NBEA: variants seen among roughly 807,000 people sequenced by gnomAD.
NBEA encodes the protein neurobeachin.
Under a neutral mutation model 343.4 loss-of-function variants are expected in NBEA, and 44 were observed. The observed-to-expected ratio is 0.13, with a 90% CI of 0.10 to 0.16. The LOEUF (loss-of-function observed/expected upper bound fraction) is 0.16. Ranked by LOEUF, NBEA falls within the 10% of genes least tolerant of loss-of-function variation. The probability of loss-of-function intolerance (pLI) is 1.00; values close to 1 mark genes in which losing one functional copy is unlikely to be tolerated. For missense variants in NBEA, 2,555 were observed against 3,631.3 expected (o/e 0.70, Z 7.62); for synonymous variants, 1,175 against 1,238.7 (o/e 0.95, Z 1.08).
chr13:34,946,657 G>A (rs1434330263), intron 1 of NBEA, among the ~76,000 whole-genome samples: 3 of 148,724 alleles, frequency 2.0e-5, no homozygotes, highest in African/African-American at 7.4e-5. Context: ...GTTACAGTGA[G>A]TTATATCAGT....
At chr13:34,985,949 G>A (rs1381089853) in intron 1 of NBEA, among the ~76,000 whole-genome samples, 3 of 150,090 alleles carry the variant, frequency 2.0e-5, no homozygotes, top group African/African-American at 7.3e-5. Flanking sequence ...AGTCTTGCTA[G>A]CAGTCTATCA....
intron 31 of NBEA, among the ~76,000 whole-genome samples, chr13:35,200,256 C>T (rs1458360505): frequency 6.6e-6 from 1 of 151,796 alleles, no homozygotes; most frequent in Non-Finnish European, 1.5e-5. Flanking sequence ...TTTTCATGTA[C>T]TGTGTAACTT....
At chr13:35,663,841 C>A (rs2085220163) in intron 55 of NBEA, among the ~76,000 whole-genome samples, 1 of 152,214 alleles carries the variant, frequency 6.6e-6, no homozygotes, top group Non-Finnish European at 1.5e-5. Flanking sequence ...AAGAAGATGG[C>A]AAACTAGCAT....
intron 33 of NBEA, among the ~76,000 whole-genome samples, chr13:35,220,741 C>G (rs570843323): frequency 6.6e-6 from 1 of 152,174 alleles, no homozygotes; most frequent in South Asian, 2.1e-4. Context: ...TAGAGTTTTT[C>G]AAATCTGAAG....
chr13:35,532,052 G>GAAAA (rs1307991207), intron 41 of NBEA, among the ~76,000 whole-genome samples: 1 of 152,152 alleles, frequency 6.6e-6, no homozygotes, highest in East Asian at 1.9e-4. Context: ...AAAAGACATA[G>GAAAA]AAAGTAGAGT....
At chr13:35,278,751 T>G (rs572110968) in intron 34 of NBEA, among the ~76,000 whole-genome samples, 1 of 152,202 alleles carries the variant, frequency 6.6e-6, no homozygotes, top group East Asian at 1.9e-4. Context: ...GAAAGAACTA[T>G]GTATGCTTTA....
chr13:35,157,079 T>A lies in NBEA; in HGVS notation c.2653T>A (p.Cys885Ser). 6.5e-7 allele frequency: 1 copy of A among 1,542,298 alleles called. No individual in the cohort carries two copies. The highest frequency in any genetic ancestry group is 8.7e-7 in the Non-Finnish European group (1 of 1,146,550). Residue 885 changes from cysteine to serine, a missense_variant and splice_region_variant, in exon 21 of 59, where the codon TGC (cysteine) becomes AGC (serine). By Grantham distance (112) the Cys-to-Ser change is moderately radical. Coordinates refer to ENST00000379939, the MANE Select transcript of NBEA (RefSeq NM_001385012.1). ...GAGATCAAATTTTTTTCTCCCTAGA[T>A]GCTTATTGCAGTGTTCAGTGTGGCA... ...LFSNSRENRR[C>S]LLQCSVWQDW...
At chr13:35,331,453 A>G (rs2038922118) in intron 36 of NBEA, among the ~76,000 whole-genome samples, 1 of 152,082 alleles carries the variant, frequency 6.6e-6, no homozygotes, top group Admixed American at 6.6e-5. Context: ...GCTGAACAAC[A>G]GAACGTAGAT....
chr13:35,304,246 G>A (rs1430765549), intron 35 of NBEA, among the ~76,000 whole-genome samples: 5 of 152,072 alleles, frequency 3.3e-5, no homozygotes, highest in African/African-American at 1.2e-4. Flanking sequence ...TTCTGAGAAA[G>A]GAGTTGAACA....
chr13:35,619,905 G>T (rs751571936), intron 48 of NBEA, among the ~76,000 whole-genome samples: 10 of 152,280 alleles, frequency 6.6e-5, no homozygotes, highest in African/African-American at 9.6e-5. Flanking sequence ...AATGGCCATG[G>T]ATCCTACTCT....
chr13:35,649,988 C>A, intron 52 of NBEA, 141 bp downstream of exon 52: 1 of 850,028 alleles, frequency 1.2e-6, no homozygotes, highest in Non-Finnish European at 1.8e-6. Flanking sequence ...TTGTCAAATC[C>A]AACTAAGGGA....
chr13:35,102,745 A>G (rs937322466), intron 11 of NBEA, among the ~76,000 whole-genome samples: 2 of 151,878 alleles, frequency 1.3e-5, no homozygotes, highest in African/African-American at 4.8e-5. Context: ...TTTATATACC[A>G]GTCTTTCTGT....
intron 1 of NBEA, among the ~76,000 whole-genome samples, chr13:34,990,495 A>C (rs2060713210): frequency 6.6e-6 from 1 of 151,006 alleles, no homozygotes; most frequent in African/African-American, 2.4e-5. Context: ...AGCCACAGCC[A>C]CAGCTGGAGC....
chr13:35,067,579 T>C (rs1166758510), intron 8 of NBEA, among the ~76,000 whole-genome samples: 1 of 152,106 alleles, frequency 6.6e-6, no homozygotes, highest in Non-Finnish European at 1.5e-5. Context: ...AGAAGGATCC[T>C]ACCTGCCTAT....
chr13:35,403,819 A>G (rs2043118283), intron 38 of NBEA, among the ~76,000 whole-genome samples: 1 of 152,152 alleles, frequency 6.6e-6, no homozygotes, highest in Non-Finnish European at 1.5e-5. Context: ...TGAAAAGGCA[A>G]CCTACAAAAT....
At chr13:35,537,509 C>T (rs934999488) in intron 41 of NBEA, among the ~76,000 whole-genome samples, 5 of 151,970 alleles carry the variant, frequency 3.3e-5, no homozygotes, top group Non-Finnish European at 5.9e-5. Flanking sequence ...GAGGAGATTA[C>T]ATTAAAAATG....
At chr13:35,239,958 A>T (rs2029930222) in intron 34 of NBEA, among the ~76,000 whole-genome samples, 1 of 151,728 alleles carries the variant, frequency 6.6e-6, no homozygotes, top group African/African-American at 2.4e-5. Context: ...AGCTAACTTA[A>T]AGAAATTCCT....
intron 39 of NBEA, among the ~76,000 whole-genome samples, chr13:35,441,114 T>C (rs2045716765): frequency 6.6e-6 from 1 of 152,208 alleles, no homozygotes; most frequent in East Asian, 1.9e-4. Context: ...TTCTCTTCCT[T>C]CCATGTCTCT....
chr13:35,337,460 T>A (rs573991450), intron 36 of NBEA, among the ~76,000 whole-genome samples: 1 of 152,218 alleles, frequency 6.6e-6, no homozygotes, highest in African/African-American at 2.4e-5. Flanking sequence ...ATCATAGTTT[T>A]AAAAATATAT....
Sources: allele counts gnomAD v4.1 joint callset (sites outside exome capture counted in the v4.1 genomes callset), GRCh38; gene constraint gnomAD v4.1.1; transcripts MANE v1.5; gene names NCBI Gene and HGNC (gene_info 2026-07-23, HGNC 2026-07-21).